Variants in RNF144B observed in about 807,000 individuals in gnomAD.
RNF144B encodes the protein ring finger protein 144B.
In RNF144B, 25 loss-of-function variants were observed where a neutral mutation model predicts 40.2. The observed-to-expected ratio is 0.62, with a 90% CI of 0.45 to 0.87. The LOEUF (loss-of-function observed/expected upper bound fraction) is 0.87, where lower values mean the gene tolerates loss of function less well. Ranked by LOEUF, RNF144B falls within the 40% of genes least tolerant of loss-of-function variation. The pLI is 0.00. For synonymous variants in RNF144B, 145 were observed against 136.3 expected (o/e 1.06, Z -0.44); for missense variants, 365 against 373.7 (o/e 0.98, Z 0.19).
intron 6 of RNF144B, among the ~76,000 whole-genome samples, chr6:18,463,064 T>C (rs1759498307): frequency 6.6e-6 from 1 of 152,022 alleles, no homozygotes; most frequent in Non-Finnish European, 1.5e-5. Flanking sequence ...CTCTTTTTTT[T>C]TCTTTTTAAA....
Position 18,463,286 on chromosome 6 carries a change from T to G in RNF144B, c.682-5T>G. ...TTTACTGAAATCAATCTTTTTATTT[T>G]TCAGAATGACATTTTCCTCAGACAT... On this transcript the variant is annotated splice_polypyrimidine_tract_variant and splice_region_variant and intron_variant, in intron 6 of 7. Coordinates refer to ENST00000259939, the MANE Select transcript of RNF144B (RefSeq NM_182757.4). 6.4e-7 allele frequency: 1 copy of G among 1,568,720 alleles called. No individual in the cohort carries two copies. The highest frequency in any genetic ancestry group is 2.2e-5 in the East Asian group (1 of 44,672).
At chr6:18,463,811 A>G (rs971203265) in intron 7 of RNF144B, among the ~76,000 whole-genome samples, 4 of 152,340 alleles carry the variant, frequency 2.6e-5, no homozygotes, top group Admixed American at 2.0e-4. Context: ...ACAATTCCAC[A>G]TGGCTGGGGA....
Position 18,463,322 on chromosome 6 carries a change from G to A in RNF144B, c.713G>A (p.Gly238Glu), listed in dbSNP as rs200913145. 8.7e-6 allele frequency: 14 copies of A among 1,609,742 alleles called. No individual in the cohort carries two copies. In the African/African-American group the frequency reaches 1.6e-4, roughly 18 times the overall value. ...NDIFLRHYDK[G>E]PCRNKLGHSR... ...ATTTTCCTCAGACATTATGACAAAGGGCCATGCAGGAATAAACTTGGCCAC... is the reference window on the plus strand; with the variant it reads ...ATTTTCCTCAGACATTATGACAAAGAGCCATGCAGGAATAAACTTGGCCAC... Residue 238 changes from glycine (G) to glutamate (E), a missense_variant, in exon 7 of 8, where the codon GGG becomes GAG. Gly to Glu is a moderately conservative substitution (Grantham distance 98). Transcript: ENST00000259939.
rs1467616632 is a variant in RNF144B, at chr6:18,406,383, C to G, written c.165+6684C>G. ...GAAGAGGGTTGTAGGCAGAGGGAAG[C>G]AGTATGGAGGTCTTAAGTTGGGAGT... On this transcript the variant is annotated intron_variant, in intron 2 of 7. Transcript: ENST00000259939. This position sits in a 1 kb window ranked among gnomAD's most constrained non-coding sequence, Gnocchi z 4.2. 1.3e-5 allele frequency among the ~76,000 whole-genome samples: 2 copies of G among 151,156 alleles called. No individual in the cohort carries two copies. Among genetic ancestry groups the G allele is most frequent in the Admixed American group, 1.3e-4 (2 of 15,154 alleles).
Position 18,406,501 on chromosome 6 carries a change from T to TGTGTGTGTGG in RNF144B, c.165+6802_165+6803insGTGTGTGTGG, listed in dbSNP as rs1794912342. Reference sequence around the variant, plus strand: ...GTGTGTGTGTGTGTGTGTGTGTGTGTAGGGGGAGTAGTAGGAGATGAAGGC... The same window carrying TGTGTGTGTGG: ...GTGTGTGTGTGTGTGTGTGTGTGTGTGTGTGTGTGGAGGGGGAGTAGTAGGAGATGAAGGC... On this transcript the variant is annotated intron_variant, in intron 2 of 7. Coordinates refer to ENST00000259939, the MANE Select transcript of RNF144B (RefSeq NM_182757.4). The surrounding 1 kb of genome is among the most constrained non-coding windows in gnomAD (Gnocchi z 4.2). 4.9e-5 allele frequency among the ~76,000 whole-genome samples: 5 copies of TGTGTGTGTGG among 102,692 alleles called. No homozygotes were observed. Among genetic ancestry groups the TGTGTGTGTGG allele is most frequent in the African/African-American group, 1.6e-4 (4 of 24,988 alleles). The allele number at this position is 102,692 out of a possible 152,430, so 67.4% of individuals were successfully genotyped here.
intron 3 of RNF144B, among the ~76,000 whole-genome samples, chr6:18,430,497 TC>T (rs1758668063): frequency 6.6e-6 from 1 of 151,900 alleles, no homozygotes; most frequent in Non-Finnish European, 1.5e-5. Flanking sequence ...TCTCTCTCTC[TC>T]TCTCTCTCTT....
chr6:18,426,802 G>A (rs952274320), intron 2 of RNF144B, among the ~76,000 whole-genome samples: 4 of 145,214 alleles, frequency 2.8e-5, no homozygotes, highest in Non-Finnish European at 6.1e-5. Context: ...GTCTTCTCTG[G>A]GTTTCATTTT....
chr6:18,404,085 A>G (rs1794845965), intron 2 of RNF144B, among the ~76,000 whole-genome samples: 3 of 152,192 alleles, frequency 2.0e-5, no homozygotes, highest in Non-Finnish European at 4.4e-5. Flanking sequence ...GTGGGGATAA[A>G]CAAACCATAT....
chr6:18,466,970 G>A lies in RNF144B; in HGVS notation c.*1903G>A, dbSNP rs1408215257. ...TTTATTAGAAATTTCTCAATATTGT[G>A]TCTTTTTCTTTTGAAACTCTAAACA... On this transcript the variant is annotated 3_prime_UTR_variant, in exon 8 of 8. Coordinates refer to ENST00000259939, the MANE Select transcript of RNF144B (RefSeq NM_182757.4). 1.3e-5 allele frequency: 2 copies of A among 152,484 alleles called. No homozygotes were observed. The highest frequency in any genetic ancestry group is 4.8e-5 in the African/African-American group (2 of 41,406). The allele number at this position is 152,484 out of a possible 1,614,324, so 9.4% of individuals were successfully genotyped here.
At position 18,427,701 on chromosome 6, in the gene RNF144B, A is replaced by T. The variant is rs769753089; in HGVS notation, c.270+16A>T. On this transcript the variant is annotated intron_variant, in intron 3 of 7. Coordinates refer to ENST00000259939, the MANE Select transcript of RNF144B (RefSeq NM_182757.4). ...GGAAGCTGAGGTATGAATGACTACC[A>T]TCATCTTCCCCTCTTTCCTATTTAT... 3.2e-5 allele frequency: 45 copies of T among 1,420,358 alleles called. No individual in the cohort carries two copies. In the Middle Eastern group the frequency reaches 5.3e-4, roughly 17 times the overall value. The allele number at this position is 1,420,358 out of a possible 1,614,324, so 88.0% of individuals were successfully genotyped here. A position where few individuals can be genotyped will look rare whatever the true frequency, so the allele number is the denominator to read the frequency against.
At chr6:18,397,850 C>T (rs1331166435) in intron 1 of RNF144B, among the ~76,000 whole-genome samples, 2 of 152,152 alleles carry the variant, frequency 1.3e-5, no homozygotes, top group African/African-American at 4.8e-5. Flanking sequence ...GTCTTCTGCT[C>T]TGCCATGTAC....
rs1794761707 is a variant in RNF144B at position 18,399,642 on chromosome 6, G to C, written c.108G>C (p.Glu36Asp). Residue 36 changes from glutamate to aspartate, a missense_variant, in exon 2 of 8, where the codon GAG (glutamate) becomes GAC (aspartate). Glu to Asp is a conservative substitution (Grantham distance 45, BLOSUM62 2). Transcript: ENST00000259939. ...TCACTTGCAAACTCTGCCTGTGTGA[G>C]CAGTCTCTGGACAAGATGACCACAC... The part of the protein sequence containing the change: ...PLITCKLCLC[E>D]QSLDKMTTLQ... 6.2e-7 allele frequency: 1 copy of C among 1,614,130 alleles called. No homozygotes were observed. The highest frequency in any genetic ancestry group is 8.5e-7 in the Non-Finnish European group (1 of 1,180,002).
chr6:18,399,718 T>C lies in RNF144B; in HGVS notation c.165+19T>C. On this transcript the variant is annotated intron_variant, in intron 2 of 7. Transcript: ENST00000259939. ...CACAGCTGTGAGTTTTCCTTGATGC[T>C]TTCACTATGAGAAAATACAAAGGGA... The C allele has an allele frequency of 6.3e-7, 1 of 1,587,234 alleles. No individual in the cohort carries two copies. The highest frequency in any genetic ancestry group is 8.6e-7 in the Non-Finnish European group (1 of 1,157,398).
At position 18,458,871 on chromosome 6, in the gene RNF144B, T is replaced by C. The variant is rs543768533; in HGVS notation, c.537-736T>C. Among the ~76,000 whole-genome samples, 1 of 152,388 alleles carries C rather than the reference T, an allele frequency of 6.6e-6. No homozygotes were observed. The highest frequency in any genetic ancestry group is 1.9e-4 in the East Asian group (1 of 5,194). ...GCTTCAATGAGCATTTCCTTTGTCATGTTGGCACTCAAAAAGTTTCAGATT... is the reference window on the plus strand; with the variant it reads ...GCTTCAATGAGCATTTCCTTTGTCACGTTGGCACTCAAAAAGTTTCAGATT... On this transcript the variant is annotated intron_variant, in intron 5 of 7. Transcript: ENST00000259939. This position sits in a 1 kb window ranked among gnomAD's most constrained non-coding sequence, Gnocchi z 4.8.
chr6:18,387,479 G>T lies in RNF144B; in HGVS notation c.-188G>T. 7.8e-7 allele frequency: 1 copy of T among 1,284,166 alleles called. No individual in the cohort carries two copies. The highest frequency in any genetic ancestry group is 1.0e-6 in the Non-Finnish European group (1 of 986,052). 79.5% of individuals were successfully genotyped at this position (1,284,166 alleles called of 1,614,324 possible). The stretch of plus-strand genomic sequence containing the variant: ...GGAGCGCAAGTCCTGTTGCAGTCTT[G>T]CAAAGTGTAAAGCTGTCAGCCGCAG... On this transcript the variant is annotated 5_prime_UTR_variant, in exon 1 of 8. Transcript: ENST00000259939.
rs763786077 is a variant in RNF144B, at chr6:18,460,722, C to T, written c.681+971C>T. 6.6e-6 allele frequency among the ~76,000 whole-genome samples: 1 copy of T among 152,130 alleles called. No individual in the cohort carries two copies. The highest frequency in any genetic ancestry group is 1.5e-5 in the Non-Finnish European group (1 of 68,036). On this transcript the variant is annotated intron_variant, in intron 6 of 7. Transcript: ENST00000259939. This position sits in a 1 kb window ranked among gnomAD's most constrained non-coding sequence, Gnocchi z 4.4. Reference sequence around the variant, plus strand: ...CAAGGGGCTTGGCTTAATTTTTTCTCACCATTCATGAATCAAGTCTCAAAT... The same window carrying T: ...CAAGGGGCTTGGCTTAATTTTTTCTTACCATTCATGAATCAAGTCTCAAAT...
chr6:18,410,269 G>A lies in RNF144B; in HGVS notation c.165+10570G>A, dbSNP rs1795007254. ...TTCCCACCTTTGTCCAGACTCTACT[G>A]ATCCATTTGGTACTAGTGTGTGCCA... is the stretch of plus-strand genomic sequence containing the variant. On this transcript the variant is annotated intron_variant, in intron 2 of 7. Coordinates refer to ENST00000259939, the MANE Select transcript of RNF144B (RefSeq NM_182757.4). This position sits in a 1 kb window ranked among gnomAD's most constrained non-coding sequence, Gnocchi z 4.6. Among the ~76,000 whole-genome samples, 1 of 152,172 alleles carries A rather than the reference G, an allele frequency of 6.6e-6. No individual in the cohort carries two copies. Among genetic ancestry groups the A allele is most frequent in the Non-Finnish European group, 1.5e-5 (1 of 68,032 alleles).
intron 4 of RNF144B, among the ~76,000 whole-genome samples, chr6:18,453,653 C>G (rs1398106396): frequency 6.6e-6 from 1 of 152,152 alleles, no homozygotes; most frequent in Non-Finnish European, 1.5e-5. Flanking sequence ...ACAATGTTTT[C>G]TACAGGATAC....
rs1181743371 is a variant in RNF144B at position 18,425,518 on chromosome 6, C to A, written c.166-2063C>A. Among the ~76,000 whole-genome samples, 1 of 152,156 alleles carries A rather than the reference C, an allele frequency of 6.6e-6. No individual in the cohort carries two copies. Among genetic ancestry groups the A allele is most frequent in the Non-Finnish European group, 1.5e-5 (1 of 68,024 alleles). On this transcript the variant is annotated intron_variant, in intron 2 of 7. Transcript: ENST00000259939. This position sits in a 1 kb window ranked among gnomAD's most constrained non-coding sequence, Gnocchi z 4.2. Reference sequence around the variant, plus strand: ...CCCATTGACATTCTTCCCCATATTTCCTTGCTGCTGCTCTCTTCTATGTCC... The same window carrying A: ...CCCATTGACATTCTTCCCCATATTTACTTGCTGCTGCTCTCTTCTATGTCC...
Sources: gnomAD v4.1 joint callset for allele counts (sites outside exome capture counted in the v4.1 genomes callset) on GRCh38, gnomAD v4.1.1 for gene constraint, Gnocchi (gnomAD v3.1) non-coding constraint, MANE v1.5 for transcripts, NCBI Gene and HGNC (gene_info 2026-07-23, HGNC 2026-07-21) for gene names.